Variants in MGAT4C observed in about 807,000 individuals in gnomAD.
MGAT4C encodes alpha-1,3-mannosyl-glycoprotein 4-beta-N-acetylglucosaminyltransferase C.
Under a neutral mutation model 40.1 loss-of-function variants are expected in MGAT4C, and 19 were observed. The ratio of observed to expected loss-of-function variants is 0.47; its 90% CI spans 0.33 to 0.70. MGAT4C has a LOEUF of 0.70. Ranked by LOEUF, MGAT4C falls within the 30% of genes least tolerant of loss-of-function variation. The probability of loss-of-function intolerance (pLI) is 0.02; values close to 1 mark genes in which losing one functional copy is unlikely to be tolerated. For synonymous variants in MGAT4C, 181 were observed against 187.1 expected (o/e 0.97, Z 0.27); for missense variants, 491 against 563.2 (o/e 0.87, Z 1.30).
intron 1 of MGAT4C, among the ~76,000 whole-genome samples, chr12:86,763,798 A>T (rs1158640215): frequency 6.6e-6 from 1 of 152,152 alleles, no homozygotes. Flanking sequence ...GGTAGTTAAA[A>T]TTACACTTAT....
chr12:86,170,958 T>C (rs979426547), intron 1 of MGAT4C, among the ~76,000 whole-genome samples: 7 of 152,188 alleles, frequency 4.6e-5, no homozygotes, highest in Middle Eastern at 3.2e-3. Context: ...ATTTTAATCA[T>C]AAGATATCTG....
intron 1 of MGAT4C, among the ~76,000 whole-genome samples, chr12:86,216,800 C>T (rs932793528): frequency 6.6e-6 from 1 of 152,142 alleles, no homozygotes; most frequent in East Asian, 1.9e-4. Context: ...GGCATATCTT[C>T]GAAGTTGTCA....
chr12:86,763,163 A>C (rs1325096949), intron 1 of MGAT4C, among the ~76,000 whole-genome samples: 1 of 152,186 alleles, frequency 6.6e-6, no homozygotes, highest in Non-Finnish European at 1.5e-5. Context: ...CAAGAGAAAA[A>C]TGTTAAGTGT....
At chr12:86,418,413 G>A (rs1956760512) in intron 3 of MGAT4C, among the ~76,000 whole-genome samples, 1 of 151,942 alleles carries the variant, frequency 6.6e-6, no homozygotes, top group Non-Finnish European at 1.5e-5. Context: ...GACCAGCCTG[G>A]CTAACATGGT....
chr12:86,537,298 C>T (rs555041592), intron 2 of MGAT4C, among the ~76,000 whole-genome samples: 1 of 151,948 alleles, frequency 6.6e-6, no homozygotes, highest in African/African-American at 2.4e-5. Context: ...GTGCAGCACA[C>T]CAACATGGCA....
At chr12:86,197,666 G>A (rs888271611) in intron 1 of MGAT4C, among the ~76,000 whole-genome samples, 3 of 152,068 alleles carry the variant, frequency 2.0e-5, no homozygotes, top group Admixed American at 6.6e-5. Context: ...TCTATGAAAC[G>A]TTGTTATAGC....
intron 3 of MGAT4C, among the ~76,000 whole-genome samples, chr12:86,365,251 G>A (rs757419086): frequency 5.9e-5 from 9 of 152,132 alleles, no homozygotes; most frequent in Non-Finnish European, 1.2e-4. Context: ...CCGGCTCACC[G>A]GCGGTCAAAG....
At chr12:86,764,998 G>A (rs1341968094) in intron 1 of MGAT4C, among the ~76,000 whole-genome samples, 1 of 152,152 alleles carries the variant, frequency 6.6e-6, no homozygotes, top group Non-Finnish European at 1.5e-5. Flanking sequence ...CACCAGCAAT[G>A]GAACAAAGCT....
At position 85,958,585 on chromosome 12, in the gene MGAT4C, C is replaced by T. The variant is rs923221177; in HGVS notation, c.*20704G>A. 4 of 151,980 alleles carry T rather than the reference C, an allele frequency of 2.6e-5. No homozygotes were observed. The highest frequency in any genetic ancestry group is 9.7e-5 in the African/African-American group (4 of 41,398). 9.4% of individuals were successfully genotyped at this position (151,980 alleles called of 1,614,324 possible). On this transcript the variant is annotated 3_prime_UTR_variant, in exon 5 of 5. Coordinates refer to ENST00000611864, the MANE Select transcript of MGAT4C (RefSeq NM_001351288.2). Reference sequence around the variant, plus strand: ...ATATTTTTAAACTAACTAGAAAGCACCAAGTTATTTGTTAAATAAACAAAG... The same window carrying T: ...ATATTTTTAAACTAACTAGAAAGCATCAAGTTATTTGTTAAATAAACAAAG...
intron 1 of MGAT4C, among the ~76,000 whole-genome samples, chr12:86,736,006 T>C (rs1950980076): frequency 6.6e-6 from 1 of 151,866 alleles, no homozygotes. Context: ...TTACCTTTTC[T>C]ATAAAAAGCC....
chr12:86,676,522 T>C (rs1482795206), intron 2 of MGAT4C, among the ~76,000 whole-genome samples: 1 of 152,150 alleles, frequency 6.6e-6, no homozygotes, highest in East Asian at 1.9e-4. Flanking sequence ...TAGCAATACA[T>C]ATACTTGTGG....
intron 2 of MGAT4C, among the ~76,000 whole-genome samples, chr12:86,469,156 T>C (rs1180311042): frequency 1.3e-5 from 2 of 152,142 alleles, no homozygotes; most frequent in Non-Finnish European, 2.9e-5. Flanking sequence ...CTGTATTTAG[T>C]CATACTACTG....
chr12:86,732,333 G>A (rs1294944875), intron 1 of MGAT4C, among the ~76,000 whole-genome samples: 1 of 151,984 alleles, frequency 6.6e-6, no homozygotes, highest in African/African-American at 2.4e-5. Context: ...CCGGGGTGGG[G>A]GCATACGGTT....
At chr12:86,739,186 A>T (rs1024711104) in intron 1 of MGAT4C, among the ~76,000 whole-genome samples, 1 of 148,296 alleles carries the variant, frequency 6.7e-6, no homozygotes, top group African/African-American at 2.4e-5. Flanking sequence ...TTGAGACAAA[A>T]GCTTTTTGGA....
chr12:86,220,822 G>T (rs1950850903), intron 1 of MGAT4C, among the ~76,000 whole-genome samples: 2 of 152,108 alleles, frequency 1.3e-5, no homozygotes, highest in African/African-American at 2.4e-5. Context: ...GAATAAAGAG[G>T]AATTTGCCAG....
Position 85,976,661 on chromosome 12 carries a change from A to ATATATGTATTATATATG in MGAT4C, c.*2627_*2628insCATATATAATACATATA. On this transcript the variant is annotated 3_prime_UTR_variant, in exon 5 of 5. Coordinates refer to ENST00000611864, the MANE Select transcript of MGAT4C (RefSeq NM_001351288.2). ...AACAAAGAAAATTATATATATATGT[A>ATATATGTATTATATATG]TATATATATTATATATATGTATATA... 6.8e-6 allele frequency: 1 copy of ATATATGTATTATATATG among 146,418 alleles called. No individual in the cohort carries two copies. Among genetic ancestry groups the ATATATGTATTATATATG allele is most frequent in the Non-Finnish European group, 1.5e-5 (1 of 66,236 alleles). 9.1% of individuals were successfully genotyped at this position (146,418 alleles called of 1,614,324 possible). A position where few individuals can be genotyped will look rare whatever the true frequency, so the allele number is the denominator to read the frequency against.
At chr12:86,502,538 C>A (rs1592925209) in intron 2 of MGAT4C, among the ~76,000 whole-genome samples, 1 of 151,408 alleles carries the variant, frequency 6.6e-6, no homozygotes. Flanking sequence ...TTGATTCATC[C>A]ATTGTAACAA....
chr12:86,439,257 T>C (rs1475086434), intron 2 of MGAT4C, among the ~76,000 whole-genome samples: 1 of 151,960 alleles, frequency 6.6e-6, no homozygotes, highest in African/African-American at 2.4e-5. Context: ...TTTTAAAAAC[T>C]TGAAACAATA....
chr12:86,149,326 T>C (rs990088460), intron 1 of MGAT4C, among the ~76,000 whole-genome samples: 3 of 152,200 alleles, frequency 2.0e-5, no homozygotes, highest in Non-Finnish European at 4.4e-5. Flanking sequence ...AAAATTATAA[T>C]ATTAAAGGAG....
Sources: gnomAD v4.1 joint callset for allele counts (sites outside exome capture counted in the v4.1 genomes callset) on GRCh38, gnomAD v4.1.1 for gene constraint, MANE v1.5 for transcripts, NCBI Gene and HGNC (gene_info 2026-07-23, HGNC 2026-07-21) for gene names.